The following WLS variants were observed in gnomAD, a reference collection of about 807,000 sequenced individuals.
The protein encoded by WLS is Wnt ligand secretion mediator.
In WLS, 23 loss-of-function variants were observed where a neutral mutation model predicts 62.8. The observed-to-expected ratio is 0.37, with a 90% CI of 0.26 to 0.52. The LOEUF (loss-of-function observed/expected upper bound fraction) is 0.52, where lower values mean the gene tolerates loss of function less well. Among genes scored for constraint, WLS ranks in the 20% least tolerant of loss-of-function variants. The pLI is 0.92. For synonymous variants in WLS, 246 were observed against 244.1 expected, an observed-to-expected ratio of 1.01 and a Z score of -0.07; for missense variants, 615 against 697.3, an observed-to-expected ratio of 0.88 and a Z score of 1.33.
At chr1:68,198,344 C>A (rs757035843) in intron 1 of WLS, among the ~76,000 whole-genome samples, 1 of 152,166 alleles carries the variant, frequency 6.6e-6, no homozygotes, top group Admixed American at 6.6e-5. Flanking sequence ...GTTCTTTTTA[C>A]TTTATCAAAC....
chr1:68,212,963 G>C (rs1649575545), intron 1 of WLS, among the ~76,000 whole-genome samples: 1 of 152,178 alleles, frequency 6.6e-6, no homozygotes, highest in Non-Finnish European at 1.5e-5. Context: ...TAAGCGCTAA[G>C]ATATACCTTA....
At chr1:68,144,499 T>G (rs1646727795) in intron 10 of WLS, 70 bp downstream of exon 10, 1 of 1,454,338 alleles carries the variant, frequency 6.9e-7, no homozygotes, top group Non-Finnish European at 9.4e-7. Context: ...GTGGCTCTAT[T>G]GAATTTCTGT....
At position 68,125,629 on chromosome 1, in the gene WLS, C is replaced by T; in HGVS notation, c.*597G>A. On this transcript the variant is annotated 3_prime_UTR_variant, in exon 12 of 12. Coordinates refer to ENST00000262348, the MANE Select transcript of WLS (RefSeq NM_024911.7). ...CAGATTTGGTTTCAAAGCTGAAATA[C>T]CCCTGGTGGAATAAATCTTCTCATG... The T allele has an allele frequency of 1.0e-6, 1 of 985,524 alleles. No individual in the cohort carries two copies. The highest frequency in any genetic ancestry group is 1.7e-5 in the African/African-American group (1 of 57,326). The allele number at this position is 985,524 out of a possible 1,614,324, so 61.0% of individuals were successfully genotyped here.
chr1:68,152,438 G>A (rs1475014995), intron 5 of WLS, among the ~76,000 whole-genome samples: 7 of 152,200 alleles, frequency 4.6e-5, no homozygotes, highest in Admixed American at 4.6e-4. Context: ...GACAGGAATG[G>A]AATCTAAATG....
At chr1:68,101,508 C>T (rs577103903) in intron 11 of WLS, among the ~76,000 whole-genome samples, 5 of 152,268 alleles carry the variant, frequency 3.3e-5, no homozygotes, top group South Asian at 2.1e-4. Flanking sequence ...TCACATGAAG[C>T]GTCACAAAGA....
chr1:68,180,255 G>A (rs1222731762), intron 2 of WLS, among the ~76,000 whole-genome samples: 1 of 151,802 alleles, frequency 6.6e-6, no homozygotes, highest in Non-Finnish European at 1.5e-5. Flanking sequence ...TCAGCTATTA[G>A]AACTCTTTTC....
intron 11 of WLS, among the ~76,000 whole-genome samples, chr1:68,131,204 C>A (rs1440930836): frequency 9.4e-6 from 1 of 106,212 alleles, no homozygotes; most frequent in Non-Finnish European, 2.2e-5. Flanking sequence ...AGCCACCGCA[C>A]CTGGCCTTTT....
downstream of WLS, among the ~76,000 whole-genome samples, chr1:68,124,937 T>C (rs1268501996): frequency 6.6e-6 from 1 of 152,140 alleles, no homozygotes; most frequent in Admixed American, 6.5e-5. Flanking sequence ...CTGATTGAAA[T>C]TTTCACTGTG....
chr1:68,143,812 A>G (rs1296078494), intron 10 of WLS, among the ~76,000 whole-genome samples: 2 of 152,192 alleles, frequency 1.3e-5, no homozygotes, highest in African/African-American at 4.8e-5. Flanking sequence ...CTGTGGTTCT[A>G]TTGTAATATT....
At chr1:68,219,804 ATATTT>A (rs1649872627) in intron 1 of WLS, among the ~76,000 whole-genome samples, 2 of 152,214 alleles carry the variant, frequency 1.3e-5, no homozygotes. Context: ...GAAGTAATTA[ATATTT>A]TATTTTTAAA....
At position 68,150,302 on chromosome 1, in the gene WLS, C is replaced by G. The variant is rs1321192866; in HGVS notation, c.858G>C (p.Trp286Cys). Reference sequence around the variant, plus strand: ...AGGTCCAGTCAAACCCGATGGAAAACCATTCCACTGGGATATTGATAAAGG... The same window carrying G: ...AGGTCCAGTCAAACCCGATGGAAAAGCATTCCACTGGGATATTGATAAAGG... ...SMTFINIPVE[W>C]FSIGFDWTWM... The change falls in exon 6 of 12, where the codon TGG becomes TGC. Residue 286 changes from tryptophan to cysteine, a missense_variant. Physicochemically the swap from Trp to Cys is radical, Grantham distance 215. Transcript: ENST00000262348. 1 of 1,614,192 alleles carries G rather than the reference C, an allele frequency of 6.2e-7. No homozygotes were observed. The highest frequency in any genetic ancestry group is 1.1e-5 in the South Asian group (1 of 91,082).
intron 1 of WLS, among the ~76,000 whole-genome samples, chr1:68,224,597 G>C (rs1224237196): frequency 1.3e-5 from 2 of 152,134 alleles, no homozygotes; most frequent in Non-Finnish European, 2.9e-5. Flanking sequence ...AATTTCTGAG[G>C]TTCAGCCCTC....
chr1:68,227,924 T>G (rs1382672539), intron 1 of WLS, among the ~76,000 whole-genome samples: 1 of 152,158 alleles, frequency 6.6e-6, no homozygotes, highest in Non-Finnish European at 1.5e-5. Flanking sequence ...TTCTGCAACT[T>G]CCAAATAAAC....
intron 1 of WLS, chr1:68,202,284 T>G (rs1396723696): frequency 3.9e-5 from 6 of 152,096 alleles, no homozygotes; most frequent in Non-Finnish European, 7.4e-5. Context: ...GAAAAAATAG[T>G]AAAATGCACA....
downstream of WLS, among the ~76,000 whole-genome samples, chr1:68,120,717 T>C (rs531176583): frequency 5.5e-3 from 796 of 145,812 alleles, 10 homozygotes; most frequent in African/African-American, 0.02. Flanking sequence ...TGTGTGTGTG[T>C]GCGCGCGCGC....
At chr1:68,208,470 G>A (rs1649375746) in intron 1 of WLS, among the ~76,000 whole-genome samples, 1 of 152,216 alleles carries the variant, frequency 6.6e-6, no homozygotes, top group Non-Finnish European at 1.5e-5. Flanking sequence ...GGAGAGGGGG[G>A]CGGTTTACCA....
intron 10 of WLS, among the ~76,000 whole-genome samples, chr1:68,143,400 T>G (rs1646712592): frequency 6.6e-6 from 1 of 152,218 alleles, no homozygotes. Context: ...AGAACACAGC[T>G]ACTCATGCTT....
intron 11 of WLS, among the ~76,000 whole-genome samples, chr1:68,109,704 TAAGA>T (rs891592863): frequency 4.6e-5 from 7 of 151,986 alleles, no homozygotes; most frequent in Admixed American, 2.6e-4. Context: ...AGATTATAAA[TAAGA>T]AAGAAGGATC....
At chr1:68,161,703 C>G (rs1296025757) in intron 2 of WLS, 25 of 1,312,594 alleles carry the variant, frequency 1.9e-5, no homozygotes, top group Non-Finnish European at 2.3e-5. Context: ...TCATTTTTCA[C>G]TATCTCTTGG....
Sources: allele counts gnomAD v4.1 joint callset (sites outside exome capture counted in the v4.1 genomes callset), GRCh38; gene constraint gnomAD v4.1.1; transcripts MANE v1.5; gene names NCBI Gene and HGNC (gene_info 2026-07-23, HGNC 2026-07-21).